The following ITGAM variants were observed in gnomAD, a reference collection of about 807,000 sequenced individuals.
ITGAM encodes integrin subunit alpha M, also known as integrin alpha-M.
In ITGAM, 79 loss-of-function variants were observed where a neutral mutation model predicts 137.5. The ratio of observed to expected loss-of-function variants is 0.57; its 90% CI spans 0.48 to 0.69. The LOEUF is 0.69. Ranked by LOEUF, ITGAM falls within the 30% of genes least tolerant of loss-of-function variation. The probability of loss-of-function intolerance (pLI) is 0.00; values close to 1 mark genes in which losing one functional copy is unlikely to be tolerated. For synonymous variants in ITGAM, 583 were observed against 592.3 expected (o/e 0.98, Z 0.23); for missense variants, 1,343 against 1,483.5 (o/e 0.91, Z 1.56).
intron 14 of ITGAM, among the ~76,000 whole-genome samples, chr16:31,303,410 C>G (rs778532816): frequency 6.6e-6 from 1 of 152,084 alleles, no homozygotes; most frequent in Admixed American, 6.6e-5. Flanking sequence ...TAGTTATTAT[C>G]TAAAATTTAA....
At chr16:31,270,049 A>G (rs930994338) in intron 5 of ITGAM, among the ~76,000 whole-genome samples, 2 of 151,874 alleles carry the variant, frequency 1.3e-5, no homozygotes, top group African/African-American at 2.4e-5. Flanking sequence ...ACATCACTTT[A>G]TATGTGTGTG....
At chr16:31,329,040 T>G in intron 23 of ITGAM, 188 bp from the exon 24 acceptor site, 1 of 647,194 alleles carries the variant, frequency 1.5e-6, no homozygotes. Flanking sequence ...GTGGCCCAAA[T>G]GGGCACGCAC....
At chr16:31,314,218 A>G (rs984930572) in intron 14 of ITGAM, among the ~76,000 whole-genome samples, 3 of 152,112 alleles carry the variant, frequency 2.0e-5, no homozygotes, top group Non-Finnish European at 4.4e-5. Flanking sequence ...TGCTGTGCAG[A>G]AGCTCTTTAG....
chr16:31,325,883 C>T (rs755528108), intron 21 of ITGAM, among the ~76,000 whole-genome samples: 1 of 151,850 alleles, frequency 6.6e-6, no homozygotes, highest in African/African-American at 2.4e-5. Context: ...CTGGGTGACA[C>T]GGCGAGACCC....
In ITGAM at chr16:31,331,860, C is replaced by CGA. The variant is rs142861575; in HGVS notation, c.*154_*155insAG. 2.6e-5 allele frequency: 16 copies of CGA among 609,502 alleles called. No homozygotes were observed. The highest frequency in any genetic ancestry group is 8.6e-5 in the East Asian group (3 of 34,834). The allele number at this position is 609,502 out of a possible 1,614,324, so 37.8% of individuals were successfully genotyped here. A position where few individuals can be genotyped will look rare whatever the true frequency, so the allele number is the denominator to read the frequency against. On this transcript the variant is annotated 3_prime_UTR_variant, in exon 30 of 30. Transcript: ENST00000544665. ...TTGTGTGTGTGCAAGTGTGTATGTG[C>CGA]GTGTGTGCAAGTGTCTGTGTGCAAG...
chr16:31,274,989 C>G (rs1481468865), intron 8 of ITGAM, among the ~76,000 whole-genome samples: 1 of 152,088 alleles, frequency 6.6e-6, no homozygotes, highest in African/African-American at 2.4e-5. Context: ...AGAATGGAGC[C>G]TTTTTCTAAG....
intron 12 of ITGAM, among the ~76,000 whole-genome samples, chr16:31,285,437 G>C (rs988154140): frequency 2.0e-4 from 30 of 151,926 alleles, no homozygotes; most frequent in Non-Finnish European, 2.6e-4. Context: ...GAGCCTGGCC[G>C]ATATGGTGAA....
At chr16:31,304,997 A>G (rs1425618135) in intron 14 of ITGAM, among the ~76,000 whole-genome samples, 1 of 152,084 alleles carries the variant, frequency 6.6e-6, no homozygotes, top group Non-Finnish European at 1.5e-5. Flanking sequence ...AGTTATGTGA[A>G]AAATGATGTT....
intron 12 of ITGAM, among the ~76,000 whole-genome samples, chr16:31,284,395 G>T (rs563305841): frequency 2.0e-5 from 3 of 152,148 alleles, no homozygotes; most frequent in African/African-American, 7.2e-5. Flanking sequence ...CTTCCTGGCC[G>T]CTTTGTTTAC....
At chr16:31,331,300 C>CCCCCCCTCATCCTCT in intron 29 of ITGAM, 25 bp downstream of exon 29, 1 of 1,304,854 alleles carries the variant, frequency 7.7e-7, no homozygotes, top group Non-Finnish European at 1.1e-6. Flanking sequence ...TCCCCCACCC[C>CCCCCCCTCATCCTCT]CTCCCTTCAT....
rs2080578021 is a variant in ITGAM, at chr16:31,331,210, C to T, written c.3322C>T (p.Leu1108Phe). Residue 1108 changes from leucine to phenylalanine, a missense_variant, in exon 29 of 30, where the codon CTC (leucine) becomes TTC (phenylalanine). Transcript: ENST00000544665. ...GTTCGAGGTCCCCAACCCCCTGCCG[C>T]TCATCGTGGGCAGCTCTGTCGGGGG... is the stretch of plus-strand genomic sequence containing the variant. ...EPFEVPNPLP[L>F]IVGSSVGGLL... 6 of 1,613,436 alleles carry T rather than the reference C, an allele frequency of 3.7e-6. No individual in the cohort carries two copies. Among genetic ancestry groups the T allele is most frequent in the Non-Finnish European group, 5.1e-6 (6 of 1,179,708 alleles).
Position 31,271,929 on chromosome 16 carries a change from T to C in ITGAM, c.641T>C (p.Leu214Pro), listed in dbSNP as rs769267085. ...EFQNNPNPRSLVKPITQLLGR... is the reference protein window; with the variant it reads ...EFQNNPNPRSPVKPITQLLGR... Reference sequence around the variant, plus strand: ...CAGAACAACCCTAACCCAAGATCACTGGTGAAGCCAATAACGCAGCTGCTT... The same window carrying C: ...CAGAACAACCCTAACCCAAGATCACCGGTGAAGCCAATAACGCAGCTGCTT... Residue 214 changes from leucine (L) to proline (P), a missense_variant, in exon 7 of 30, where the codon CTG (leucine) becomes CCG (proline). Leu to Pro is a moderately conservative substitution (Grantham distance 98, BLOSUM62 -3). Coordinates refer to ENST00000544665, the MANE Select transcript of ITGAM (RefSeq NM_000632.4). 2 of 1,614,016 alleles carry C rather than the reference T, an allele frequency of 1.2e-6. No individual in the cohort carries two copies. Among genetic ancestry groups the C allele is most frequent in the Non-Finnish European group, 8.5e-7 (1 of 1,179,896 alleles).
chr16:31,292,234 T>C (rs1432701192), intron 12 of ITGAM, among the ~76,000 whole-genome samples: 1 of 152,098 alleles, frequency 6.6e-6, no homozygotes. Context: ...ATTTATTTAA[T>C]TTAAAAAAAT....
chr16:31,302,397 TTTC>T, intron 14 of ITGAM, among the ~76,000 whole-genome samples: 4 of 129,260 alleles, frequency 3.1e-5, no homozygotes, highest in African/African-American at 6.2e-5. Context: ...TCTTTTTTCT[TTTC>T]TTTTCTTTTT....
At chr16:31,319,050 T>C (rs780920603) in intron 14 of ITGAM, among the ~76,000 whole-genome samples, 10 of 152,200 alleles carry the variant, frequency 6.6e-5, no homozygotes, top group African/African-American at 2.4e-4. Context: ...TTTCATTCCA[T>C]TGTGGTTGGA....
rs2080564848 is a variant in ITGAM, at chr16:31,330,414, A to G, written c.3167A>G (p.Tyr1056Cys). Residue 1056 changes from tyrosine to cysteine, a missense_variant, in exon 27 of 30, where the codon TAC (tyrosine) becomes TGC (cysteine). Physicochemically the swap from Tyr to Cys is radical, Grantham distance 194 (BLOSUM62 -2). Transcript: ENST00000544665. ...AAAGGCAACCTCTCGTTTGACTGGT[A>G]CATCAAGGTGTGTGGGGTCCTGAGG... is the stretch of plus-strand genomic sequence containing the variant. Reference protein sequence around the residue: ...TLKGNLSFDWYIKTSHNHLLI... With the variant: ...TLKGNLSFDWCIKTSHNHLLI... 1 of 1,613,226 alleles carries G rather than the reference A, an allele frequency of 6.2e-7. No individual in the cohort carries two copies. Among genetic ancestry groups the G allele is most frequent in the East Asian group, 2.2e-5 (1 of 44,878 alleles).
intron 29 of ITGAM, 169 bp from the exon 30 acceptor site, chr16:31,331,467 C>CGTG: frequency 1.5e-6 from 1 of 654,766 alleles, no homozygotes. Flanking sequence ...AGTCGCCCTC[C>CGTG]TTGTAGTTTC....
intron 14 of ITGAM, among the ~76,000 whole-genome samples, chr16:31,300,319 T>C (rs2080185149): frequency 6.6e-6 from 1 of 152,236 alleles, no homozygotes; most frequent in South Asian, 2.1e-4. Context: ...TATTAAATCA[T>C]ATGGTAGTTC....
Position 31,330,484 on chromosome 16 carries a change from C to T in ITGAM, c.3175-20C>T. 3.7e-6 allele frequency: 6 copies of T among 1,613,096 alleles called. No individual in the cohort carries two copies. Among genetic ancestry groups the T allele is most frequent in the Non-Finnish European group, 5.1e-6 (6 of 1,179,064 alleles). ...GGTGCTCAGGGCCCAGGTGCAGTGC[C>T]CACCCGCTCTCTTCCACAGACCTCG... On this transcript the variant is annotated intron_variant, in intron 27 of 29. Transcript: ENST00000544665.
Sources: allele counts gnomAD v4.1 joint callset (sites outside exome capture counted in the v4.1 genomes callset), GRCh38; gene constraint gnomAD v4.1.1; transcripts MANE v1.5; gene names NCBI Gene and HGNC (gene_info 2026-07-23, HGNC 2026-07-21).